CRY1: variants seen among roughly 807,000 people sequenced by gnomAD.
CRY1 encodes cryptochrome circadian regulator 1, also known as cryptochrome-1.
In CRY1, 45 loss-of-function variants were observed where a neutral mutation model predicts 76.0. The observed-to-expected ratio is 0.59, with a 90% CI of 0.47 to 0.76. The LOEUF (loss-of-function observed/expected upper bound fraction) is 0.76. Among genes scored for constraint, CRY1 ranks in the 30% least tolerant of loss-of-function variants. The probability of loss-of-function intolerance (pLI) is 0.00; values close to 1 mark genes in which losing one functional copy is unlikely to be tolerated. For synonymous variants in CRY1, 248 were observed against 244.0 expected (o/e 1.02, Z -0.15); for missense variants, 587 against 716.4 (o/e 0.82, Z 2.06).
intron 1 of CRY1, among the ~76,000 whole-genome samples, chr12:107,044,130 C>T (rs1377013434): frequency 1.3e-5 from 2 of 152,176 alleles, no homozygotes; most frequent in African/African-American, 2.4e-5. Context: ...GTTGCCAAAA[C>T]AGGGTCATGA....
At chr12:107,014,186 C>T (rs1396698138) in intron 2 of CRY1, among the ~76,000 whole-genome samples, 1 of 152,192 alleles carries the variant, frequency 6.6e-6, no homozygotes, top group Non-Finnish European at 1.5e-5. Flanking sequence ...TGTTTCATAC[C>T]AATAACCTGC....
chr12:107,011,072 C>G (rs1217335016), intron 2 of CRY1, among the ~76,000 whole-genome samples: 1 of 152,150 alleles, frequency 6.6e-6, no homozygotes, highest in Non-Finnish European at 1.5e-5. Flanking sequence ...CCAGGCTGGG[C>G]GCAGTGGCTC....
At chr12:107,009,603 A>ATATATATATATAT (rs1566245681) in intron 2 of CRY1, among the ~76,000 whole-genome samples, 78 of 7,738 alleles carry the variant, frequency 0.01, 3 homozygotes, top group African/African-American at 0.021. Flanking sequence ...TATATATATA[A>ATATATATATATAT]AATCTCTATA....
chr12:107,088,989 T>C (rs891311665), intron 1 of CRY1, among the ~76,000 whole-genome samples: 4 of 152,236 alleles, frequency 2.6e-5, no homozygotes, highest in Non-Finnish European at 4.4e-5. Context: ...ATAAACAGAA[T>C]CATATAACAC....
rs748787665 is a variant in CRY1, at chr12:107,000,097, A to C, written c.685-15T>G. The C allele has an allele frequency of 6.3e-7, 1 of 1,577,844 alleles. No individual in the cohort carries two copies. The highest frequency in any genetic ancestry group is 8.6e-7 in the Non-Finnish European group (1 of 1,169,200). On this transcript the variant is annotated splice_polypyrimidine_tract_variant and intron_variant, in intron 5 of 12. Coordinates refer to ENST00000008527, the MANE Select transcript of CRY1 (RefSeq NM_004075.5). Reference sequence around the variant, plus strand: ...GCCACCCAAGCCTGAAAACACACAGAGAAAATTATATTAACTAATTGTCTT... The same window carrying C: ...GCCACCCAAGCCTGAAAACACACAGCGAAAATTATATTAACTAATTGTCTT...
chr12:107,077,591 T>G (rs1192737594), intron 1 of CRY1, among the ~76,000 whole-genome samples: 5 of 152,330 alleles, frequency 3.3e-5, no homozygotes, highest in Admixed American at 2.0e-4. Flanking sequence ...TATATTTTAT[T>G]TCTTATTTAT....
At chr12:107,068,542 C>T (rs1953140018) in intron 1 of CRY1, among the ~76,000 whole-genome samples, 1 of 152,106 alleles carries the variant, frequency 6.6e-6, no homozygotes, top group East Asian at 1.9e-4. Context: ...AAGTGATCCA[C>T]CCTTGTCAGC....
In CRY1 at chr12:106,997,537, GA is replaced by G; in HGVS notation, c.1442del (p.Ile481ThrfsTer4). 1 of 1,614,016 alleles carries G rather than the reference GA, an allele frequency of 6.2e-7. No individual in the cohort carries two copies. Among genetic ancestry groups the G allele is most frequent in the African/African-American group, 1.3e-5 (1 of 75,018 alleles). ...GCTGATAGATCTGTTTCATCCTTTC[GA>G]TATTCAAACGGCTTGCCTCAGCATG... ...VNHAEASRLN[I>X]ERMKQIYQQL... is the part of the protein sequence containing the mutation. On this transcript the variant is annotated frameshift_variant, in exon 9 of 13. Coordinates refer to ENST00000008527, the MANE Select transcript of CRY1 (RefSeq NM_004075.5). LOFTEE classifies it high-confidence loss of function.
At chr12:107,004,471 G>A (rs886416423) in intron 3 of CRY1, among the ~76,000 whole-genome samples, 2 of 152,128 alleles carry the variant, frequency 1.3e-5, no homozygotes, top group African/African-American at 4.8e-5. Flanking sequence ...AAAAAGTTAA[G>A]TTTTACAGAC....
At chr12:107,069,839 A>G (rs1223923302) in intron 1 of CRY1, among the ~76,000 whole-genome samples, 1 of 150,728 alleles carries the variant, frequency 6.6e-6, no homozygotes, top group African/African-American at 2.4e-5. Context: ...CAAGACAATT[A>G]AAAGGTAATT....
intron 3 of CRY1, among the ~76,000 whole-genome samples, chr12:107,003,248 T>C (rs1005579786): frequency 2.6e-5 from 4 of 152,176 alleles, no homozygotes; most frequent in African/African-American, 9.7e-5. Context: ...ACTCAATCAA[T>C]TATTAATTAA....
chr12:107,073,555 T>C (rs1953216862), intron 1 of CRY1, among the ~76,000 whole-genome samples: 1 of 152,036 alleles, frequency 6.6e-6, no homozygotes, highest in South Asian at 2.1e-4. Context: ...GGTAAAATCC[T>C]GTATCTACTA....
chr12:107,002,596 C>A (rs377167268), intron 3 of CRY1, among the ~76,000 whole-genome samples: 3 of 152,080 alleles, frequency 2.0e-5, no homozygotes, highest in African/African-American at 4.8e-5. Flanking sequence ...TAACTAAAAT[C>A]CTTACTCTGT....
chr12:107,013,260 C>G (rs886985168), intron 2 of CRY1, among the ~76,000 whole-genome samples: 8 of 152,164 alleles, frequency 5.3e-5, no homozygotes, highest in African/African-American at 1.9e-4. Context: ...CAACCATCAG[C>G]AACCACTACC....
At position 106,997,634 on chromosome 12, in the gene CRY1, T is replaced by C; in HGVS notation, c.1346A>G (p.Asn449Ser). The C allele has an allele frequency of 3.7e-6, 6 of 1,614,130 alleles. No homozygotes were observed. The highest frequency in any genetic ancestry group is 5.1e-6 in the Non-Finnish European group (6 of 1,179,994). The change falls in exon 9 of 13, where the codon AAT (asparagine) becomes AGT (serine). Residue 449 changes from asparagine to serine, a missense_variant. Transcript: ENST00000008527. ...TACCTTTTGGATACCTTCTGGTGCA[T>C]TCCAGGGATCATAGATATATTTTGC... ...FPAKYIYDPW[N>S]APEGIQKVAK...
At chr12:107,071,535 T>TCA (rs1953190600) in intron 1 of CRY1, among the ~76,000 whole-genome samples, 1 of 152,198 alleles carries the variant, frequency 6.6e-6, no homozygotes, top group South Asian at 2.1e-4. Flanking sequence ...ATCACTGAAG[T>TCA]CACATGTTTC....
intron 1 of CRY1, among the ~76,000 whole-genome samples, chr12:107,091,125 C>T (rs1015535119): frequency 3.3e-5 from 5 of 152,022 alleles, no homozygotes; most frequent in East Asian, 1.9e-4. Flanking sequence ...CTGCAACCTC[C>T]GTCTCCTAGG....
intron 1 of CRY1, among the ~76,000 whole-genome samples, chr12:107,042,058 ACAGTAATAG>A (rs1952804941): frequency 6.6e-6 from 1 of 152,256 alleles, no homozygotes; most frequent in Non-Finnish European, 1.5e-5. Flanking sequence ...AATGAAATAA[ACAGTAATAG>A]CAGTACATTA....
intron 2 of CRY1, among the ~76,000 whole-genome samples, chr12:107,007,769 ATCC>A (rs1287945113): frequency 6.6e-6 from 1 of 152,008 alleles, no homozygotes; most frequent in Non-Finnish European, 1.5e-5. Context: ...CCCTCAAGAG[ATCC>A]TCCTTCCTCA....
Sources: gnomAD v4.1 joint callset for allele counts (sites outside exome capture counted in the v4.1 genomes callset) on GRCh38, gnomAD v4.1.1 for gene constraint, MANE v1.5 for transcripts, NCBI Gene and HGNC (gene_info 2026-07-23, HGNC 2026-07-21) for gene names.